Variants in VSNL1 observed in about 807,000 individuals in gnomAD.
VSNL1 encodes visinin like 1.
In VSNL1, 6 loss-of-function variants were observed where a neutral mutation model predicts 20.4. The ratio of observed to expected loss-of-function variants is 0.29; its 90% CI spans 0.16 to 0.58. The LOEUF (loss-of-function observed/expected upper bound fraction) is 0.58. VSNL1 is among the 20% of genes least tolerant of loss of function. The probability of loss-of-function intolerance (pLI) is 0.90; values close to 1 mark genes in which losing one functional copy is unlikely to be tolerated. For missense variants in VSNL1, 100 were observed against 234.5 expected (o/e 0.43, Z 3.75); for synonymous variants, 93 against 86.4 (o/e 1.08, Z -0.42).
chr2:17,610,781 C>T (rs1665065062), intron 2 of VSNL1, among the ~76,000 whole-genome samples: 1 of 152,164 alleles, frequency 6.6e-6, no homozygotes, highest in African/African-American at 2.4e-5. Context: ...GCTTGGCTCT[C>T]CATCTCCAGG....
chr2:17,613,594 G>A (rs1665141586), intron 2 of VSNL1, among the ~76,000 whole-genome samples: 3 of 152,086 alleles, frequency 2.0e-5, no homozygotes, highest in Admixed American at 2.0e-4. Context: ...ACTCTTGTTG[G>A]GACAGTCAGT....
chr2:17,652,342 AAC>A (rs1287320373), intron 3 of VSNL1, among the ~76,000 whole-genome samples: 5 of 152,364 alleles, frequency 3.3e-5, no homozygotes, highest in Admixed American at 1.3e-4. Flanking sequence ...CTGGAAGGGA[AAC>A]ACACTGTTTT....
chr2:17,636,117 T>C (rs1665742725), intron 2 of VSNL1, among the ~76,000 whole-genome samples: 1 of 152,038 alleles, frequency 6.6e-6, no homozygotes, highest in Non-Finnish European at 1.5e-5. Flanking sequence ...ATAATTACCA[T>C]AGCACTCCCT....
At chr2:17,598,100 A>T (rs1352273541) in intron 2 of VSNL1, among the ~76,000 whole-genome samples, 1 of 152,226 alleles carries the variant, frequency 6.6e-6, no homozygotes, top group African/African-American at 2.4e-5. Context: ...ATATTTTTCT[A>T]GTTAATAGAT....
At chr2:17,580,526 C>T (rs1239467048) in intron 1 of VSNL1, among the ~76,000 whole-genome samples, 1 of 152,210 alleles carries the variant, frequency 6.6e-6, no homozygotes, top group East Asian at 1.9e-4. Context: ...AGCATCAGAG[C>T]TAGGTTTCAG....
intron 1 of VSNL1, among the ~76,000 whole-genome samples, chr2:17,569,576 A>C (rs1664033456): frequency 6.6e-6 from 1 of 152,020 alleles, no homozygotes; most frequent in Non-Finnish European, 1.5e-5. Context: ...TTATCTCTTA[A>C]TGTCTCTTCC....
intron 1 of VSNL1, among the ~76,000 whole-genome samples, chr2:17,548,886 T>C (rs1663460531): frequency 6.6e-6 from 1 of 152,172 alleles, no homozygotes; most frequent in Non-Finnish European, 1.5e-5. Context: ...GAAAACCTCT[T>C]TCATTTGTTT....
At chr2:17,574,859 T>G (rs1477779252) in intron 1 of VSNL1, among the ~76,000 whole-genome samples, 1 of 152,134 alleles carries the variant, frequency 6.6e-6, no homozygotes, top group African/African-American at 2.4e-5. Context: ...CTCCACCTCC[T>G]GGGCTCAAGC....
intron 1 of VSNL1, among the ~76,000 whole-genome samples, chr2:17,556,759 C>A (rs1663687872): frequency 6.6e-6 from 1 of 152,124 alleles, no homozygotes; most frequent in South Asian, 2.1e-4. Context: ...GAGCCCAGTT[C>A]TGTGCTTACC....
At chr2:17,544,568 A>G (rs1663365932) in intron 1 of VSNL1, among the ~76,000 whole-genome samples, 2 of 152,220 alleles carry the variant, frequency 1.3e-5, no homozygotes, top group South Asian at 2.1e-4. Context: ...GCATGTAGTT[A>G]TGAATTCCAA....
intron 2 of VSNL1, among the ~76,000 whole-genome samples, chr2:17,628,973 CCTCA>C (rs2103410033): frequency 6.6e-6 from 1 of 152,372 alleles, no homozygotes; most frequent in Non-Finnish European, 1.5e-5. Flanking sequence ...CTTCAAAACT[CCTCA>C]CTCTAGTGGC....
chr2:17,635,462 G>A (rs1290410602), intron 2 of VSNL1, among the ~76,000 whole-genome samples: 1 of 152,182 alleles, frequency 6.6e-6, no homozygotes, highest in East Asian at 1.9e-4. Flanking sequence ...CCTGGCTTGT[G>A]GTTCTTGCTT....
At chr2:17,575,786 C>T (rs952320706) in intron 1 of VSNL1, among the ~76,000 whole-genome samples, 3 of 152,040 alleles carry the variant, frequency 2.0e-5, no homozygotes, top group Non-Finnish European at 2.9e-5. Context: ...CTGCCTGCCT[C>T]GGCCTCCCAA....
intron 1 of VSNL1, among the ~76,000 whole-genome samples, chr2:17,575,543 T>A (rs900477468): frequency 9.2e-5 from 14 of 152,186 alleles, no homozygotes; most frequent in African/African-American, 2.4e-4. Flanking sequence ...TTATTTTTTT[T>A]ATTTTTTTTT....
chr2:17,643,360 C>A (rs1487433967), intron 2 of VSNL1, among the ~76,000 whole-genome samples: 1 of 152,210 alleles, frequency 6.6e-6, no homozygotes, highest in Non-Finnish European at 1.5e-5. Flanking sequence ...CCTCATGAGT[C>A]ATCTGCTTAA....
intron 1 of VSNL1, among the ~76,000 whole-genome samples, chr2:17,557,528 G>T (rs532988730): frequency 6.6e-5 from 10 of 152,270 alleles, no homozygotes; most frequent in South Asian, 2.1e-4. Context: ...GTAACAAGGA[G>T]ACCTATATTT....
intron 2 of VSNL1, among the ~76,000 whole-genome samples, chr2:17,648,502 T>C (rs1338374470): frequency 6.6e-6 from 1 of 152,266 alleles, no homozygotes; most frequent in Admixed American, 6.5e-5. Context: ...TGCTTGCCTA[T>C]AGAGCCCAGA....
intron 1 of VSNL1, among the ~76,000 whole-genome samples, chr2:17,570,077 T>C (rs560388300): frequency 6.6e-6 from 1 of 152,330 alleles, no homozygotes; most frequent in African/African-American, 2.4e-5. Flanking sequence ...CTTGCAAATC[T>C]CCAAATTGAG....
chr2:17,599,316 A>T (rs776742349), intron 2 of VSNL1, among the ~76,000 whole-genome samples: 12 of 152,160 alleles, frequency 7.9e-5, no homozygotes, highest in Non-Finnish European at 1.3e-4. Flanking sequence ...GAACATGAGG[A>T]CCCATCAGTC....
Sources: gnomAD v4.1 joint callset for allele counts (sites outside exome capture counted in the v4.1 genomes callset) on GRCh38, gnomAD v4.1.1 for gene constraint, MANE v1.5 for transcripts, NCBI Gene and HGNC (gene_info 2026-07-23, HGNC 2026-07-21) for gene names.